The following FTCDNL1 variants were observed in gnomAD, a reference collection of about 807,000 sequenced individuals.
FTCDNL1 encodes formiminotransferase N-terminal subdomain-containing protein.
FTCDNL1 carries 11 observed loss-of-function variants against 5.9 expected under a neutral mutation model. The ratio of observed to expected loss-of-function variants is 1.87; its 90% CI spans 1.18 to 3.10. FTCDNL1 has a LOEUF of 3.10. Ranked by LOEUF, FTCDNL1 falls within the 30% of genes most tolerant of loss-of-function variation. The pLI, the probability that FTCDNL1 is intolerant of heterozygous loss-of-function variation, is 0.00. For synonymous variants in FTCDNL1, 58 were observed against 24.8 expected (o/e 2.34, Z -3.99); for missense variants, 115 against 65.5 (o/e 1.76, Z -2.61).
chr2:199,753,384 G>A, the FTCDNL1 span, among the ~76,000 whole-genome samples: 1 of 152,230 alleles, frequency 6.6e-6, no homozygotes, highest in African/African-American at 2.4e-5. Flanking sequence ...ACAGGACAGG[G>A]CCATGCTGTA....
At chr2:199,757,237 T>C (rs1366624943), downstream of FTCDNL1, among the ~76,000 whole-genome samples, 17 of 152,208 alleles carry the variant, frequency 1.1e-4, no homozygotes, top group East Asian at 3.1e-3. Flanking sequence ...AGAACCCTTC[T>C]AGGAAAACAC....
At chr2:199,759,744 C>T (rs1003764069), downstream of FTCDNL1, among the ~76,000 whole-genome samples, 3 of 152,162 alleles carry the variant, frequency 2.0e-5, no homozygotes, top group African/African-American at 4.8e-5. Context: ...CTGTGAGAAG[C>T]TCATTTTTAA....
Position 199,780,230 on chromosome 2 carries a change from C to T in FTCDNL1, c.212-19395G>A, listed in dbSNP as rs540580990. On this transcript the variant is annotated intron_variant, in intron 3 of 3. Transcript: ENST00000416668. The stretch of plus-strand genomic sequence containing the variant: ...GATGGCCCACCTCGCTAGGATAGGG[C>T]AGGGGGCTGCTGGGCCCTTATATCC... 7.9e-5 allele frequency among the ~76,000 whole-genome samples: 12 copies of T among 152,312 alleles called. No homozygotes were observed. In the South Asian group the frequency reaches 1.9e-3, roughly 24 times the overall value.
the FTCDNL1 span, among the ~76,000 whole-genome samples, chr2:199,681,432 G>T: frequency 2.0e-5 from 3 of 151,900 alleles, no homozygotes; most frequent in Non-Finnish European, 2.9e-5. Context: ...CTCCAGCCTG[G>T]GCAACAAGAG....
chr2:199,703,319 T>A, the FTCDNL1 span, among the ~76,000 whole-genome samples: 1 of 151,796 alleles, frequency 6.6e-6, no homozygotes, highest in South Asian at 2.1e-4. Flanking sequence ...CACCAGCTCA[T>A]GTGGCTGTTG....
At chr2:199,690,353 C>A in the FTCDNL1 span, among the ~76,000 whole-genome samples, 7 of 152,204 alleles carry the variant, frequency 4.6e-5, no homozygotes, top group Admixed American at 6.5e-5. Context: ...GAACATGACA[C>A]CTGAGAGTAG....
chr2:199,786,461 A>C (rs1699655815), intron 3 of FTCDNL1, among the ~76,000 whole-genome samples: 1 of 152,056 alleles, frequency 6.6e-6, no homozygotes, highest in Non-Finnish European at 1.5e-5. Flanking sequence ...AGCCCTTACT[A>C]AAAACCTTTG....
the FTCDNL1 span, among the ~76,000 whole-genome samples, chr2:199,739,139 A>G: frequency 4.6e-5 from 7 of 152,204 alleles, no homozygotes; most frequent in Non-Finnish European, 1.0e-4. Flanking sequence ...TCATTGAAAT[A>G]AAATGAAGAC....
chr2:199,666,707 G>A, the FTCDNL1 span, among the ~76,000 whole-genome samples: 3 of 151,988 alleles, frequency 2.0e-5, no homozygotes, highest in Non-Finnish European at 2.9e-5. Flanking sequence ...ACAAGGTCAG[G>A]AGTTCGAGAC....
At chr2:199,845,990 A>G in intron 3 of FTCDNL1, 85 bp downstream of exon 3, 1 of 581,650 alleles carries the variant, frequency 1.7e-6, no homozygotes, top group Non-Finnish European at 3.1e-6. Context: ...TCATATTTAC[A>G]GAGGAAATCA....
chr2:199,705,140 TC>T, the FTCDNL1 span, among the ~76,000 whole-genome samples: 89 of 152,220 alleles, frequency 5.8e-4, 1 homozygote, highest in African/African-American at 2.1e-3. Context: ...AAAATAGGAT[TC>T]AAGATATATT....
chr2:199,832,491 A>AT (rs766027072), intron 3 of FTCDNL1, among the ~76,000 whole-genome samples: 16 of 152,240 alleles, frequency 1.1e-4, no homozygotes, highest in Non-Finnish European at 1.8e-4. Context: ...TGAAATAGGT[A>AT]CTGAATATCA....
chr2:199,830,723 C>G (rs995348710), intron 3 of FTCDNL1, among the ~76,000 whole-genome samples: 9 of 152,118 alleles, frequency 5.9e-5, no homozygotes, highest in South Asian at 4.1e-4. Flanking sequence ...ATTCCTCCCC[C>G]ACATGGCTAG....
the FTCDNL1 span, among the ~76,000 whole-genome samples, chr2:199,698,383 C>A: frequency 6.6e-6 from 1 of 152,100 alleles, no homozygotes; most frequent in Non-Finnish European, 1.5e-5. Context: ...ACACAGTTGG[C>A]CATAAAGCAA....
At chr2:199,738,185 T>C in the FTCDNL1 span, among the ~76,000 whole-genome samples, 1 of 152,226 alleles carries the variant, frequency 6.6e-6, no homozygotes, top group Non-Finnish European at 1.5e-5. Flanking sequence ...AAGAAAGATT[T>C]GGGTTTCTCT....
intron 3 of FTCDNL1, among the ~76,000 whole-genome samples, chr2:199,832,635 G>A (rs1702445773): frequency 6.6e-6 from 1 of 152,050 alleles, no homozygotes; most frequent in Admixed American, 6.6e-5. Context: ...TTCTCAGAAG[G>A]TACCTTATTT....
the FTCDNL1 span, among the ~76,000 whole-genome samples, chr2:199,683,758 G>A: frequency 3.3e-5 from 5 of 152,066 alleles, no homozygotes; most frequent in Non-Finnish European, 5.9e-5. Context: ...TTACCTTATG[G>A]GTTTGTGAAT....
At chr2:199,702,929 C>A in the FTCDNL1 span, among the ~76,000 whole-genome samples, 3 of 152,012 alleles carry the variant, frequency 2.0e-5, no homozygotes, top group Admixed American at 1.3e-4. Context: ...AGTGTCAAAT[C>A]CAGAAATTAA....
In FTCDNL1 at chr2:199,802,284, TA is replaced by T. The variant is rs1700498755; in HGVS notation, c.212-41450del. Among the ~76,000 whole-genome samples, 5 of 152,324 alleles carry T rather than the reference TA, an allele frequency of 3.3e-5. No individual in the cohort carries two copies. In the South Asian group the frequency reaches 1.0e-3, roughly 32 times the overall value. ...ACCTACATCTTATGTATCACTAGGA[TA>T]ATGATAAATCTGCTCCTGCTGAAAT... On this transcript the variant is annotated intron_variant, in intron 3 of 3. Transcript: ENST00000416668.
Sources: gnomAD v4.1 joint callset for allele counts (sites outside exome capture counted in the v4.1 genomes callset) on GRCh38, gnomAD v4.1.1 for gene constraint, MANE v1.5 for transcripts, NCBI Gene and HGNC (gene_info 2026-07-23, HGNC 2026-07-21) for gene names.